SMAD4: variants seen among roughly 807,000 people sequenced by gnomAD.
SMAD4 encodes MAD homolog 4.
SMAD4 carries 7 observed loss-of-function variants against 63.2 expected under a neutral mutation model. That is an observed-to-expected ratio of 0.11 (90% CI 0.06 to 0.21). The LOEUF (loss-of-function observed/expected upper bound fraction) is 0.21. Ranked by LOEUF, SMAD4 falls within the 10% of genes least tolerant of loss-of-function variation. SMAD4 has a pLI of 1.00. For synonymous variants in SMAD4, 215 were observed against 235.4 expected (o/e 0.91, Z 0.79); for missense variants, 312 against 693.8 (o/e 0.45, Z 6.18).
chr18:51,037,140 T>C (rs1244256549), intron 1 of SMAD4, among the ~76,000 whole-genome samples: 1 of 152,172 alleles, frequency 6.6e-6, no homozygotes, highest in Non-Finnish European at 1.5e-5. Flanking sequence ...GCTGAGATTG[T>C]GCCACTGCAC....
At chr18:51,051,778 A>G (rs1472120479) in intron 4 of SMAD4, among the ~76,000 whole-genome samples, 2 of 152,026 alleles carry the variant, frequency 1.3e-5, no homozygotes, top group African/African-American at 4.8e-5. Context: ...TCACCTATAG[A>G]GAATATATTC....
At chr18:51,065,365 A>G (rs1483541249) in intron 8 of SMAD4, 58 bp from the exon 9 acceptor site, 1 of 1,430,478 alleles carries the variant, frequency 7.0e-7, no homozygotes, top group African/African-American at 1.4e-5. Context: ...GTGGAGTGCA[A>G]GTGAAAGCCT....
rs1282106789 is a variant in SMAD4 at position 51,078,349 on chromosome 18, C to T, written c.1541C>T (p.Pro514Leu). The change falls in exon 12 of 12, where the codon CCA becomes CTA. Residue 514 changes from proline (P) to leucine (L), a missense_variant. Transcript: ENST00000342988. ...GTGAAAGGCTGGGGACCGGATTACC[C>T]AAGACAGAGCATCAAAGAAACACCT... ...SFVKGWGPDYPRQSIKETPCW... is the reference protein window; with the variant it reads ...SFVKGWGPDYLRQSIKETPCW... The T allele has an allele frequency of 1.2e-6, 2 of 1,614,046 alleles. No homozygotes were observed. The highest frequency in any genetic ancestry group is 1.3e-5 in the African/African-American group (1 of 74,928).
At chr18:51,064,526 C>G (rs1910099295) in intron 8 of SMAD4, among the ~76,000 whole-genome samples, 1 of 152,210 alleles carries the variant, frequency 6.6e-6, no homozygotes, top group Non-Finnish European at 1.5e-5. Flanking sequence ...CTGTAGATAT[C>G]TGTTAAATGA....
chr18:51,050,282 C>T (rs972586433), intron 4 of SMAD4, among the ~76,000 whole-genome samples: 11 of 151,512 alleles, frequency 7.3e-5, no homozygotes, highest in Non-Finnish European at 1.0e-4. Context: ...TCGCTTGAAC[C>T]CGGGAGGTGG....
intron 1 of SMAD4, among the ~76,000 whole-genome samples, chr18:51,035,395 G>A (rs890150985): frequency 2.6e-5 from 4 of 151,978 alleles, no homozygotes; most frequent in African/African-American, 9.7e-5. Flanking sequence ...ACTCCCTGTG[G>A]GCTTGGTCTG....
At chr18:51,051,881 A>G (rs190609086) in intron 4 of SMAD4, among the ~76,000 whole-genome samples, 1 of 151,996 alleles carries the variant, frequency 6.6e-6, no homozygotes, top group Non-Finnish European at 1.5e-5. Flanking sequence ...ATTTCGGCTC[A>G]CTGCAACCTC....
chr18:51,079,959 G>C lies in SMAD4; in HGVS notation c.*1492G>C, dbSNP rs1281191574. The stretch of plus-strand genomic sequence containing the variant: ...CCATGGACATTGTGTATCATGTGTA[G>C]AGTTGGTTTTTTTTTTTTTTAATTT... On this transcript the variant is annotated 3_prime_UTR_variant, in exon 12 of 12. Transcript: ENST00000342988. 3 of 230,376 alleles carry C rather than the reference G, an allele frequency of 1.3e-5. No homozygotes were observed. Among genetic ancestry groups the C allele is most frequent in the Non-Finnish European group, 2.6e-5 (3 of 116,962 alleles). The allele number at this position is 230,376 out of a possible 1,614,324, so 14.3% of individuals were successfully genotyped here.
In SMAD4 at chr18:51,079,521, T is replaced by C. The variant is rs1910556042; in HGVS notation, c.*1054T>C. ...TTTTGTACTTGATTTGATGTGACTT[T>C]TTTTGGTATAATGTTTAAATCATGT... On this transcript the variant is annotated 3_prime_UTR_variant, in exon 12 of 12. Transcript: ENST00000342988. The C allele has an allele frequency of 4.3e-6, 1 of 233,350 alleles. No homozygotes were observed. The highest frequency in any genetic ancestry group is 6.1e-5 in the East Asian group (1 of 16,464). The allele number at this position is 233,350 out of a possible 1,614,324, so 14.5% of individuals were successfully genotyped here.
chr18:51,066,706 C>T (rs1910167765), intron 9 of SMAD4: 1 of 283,814 alleles, frequency 3.5e-6, no homozygotes, highest in Non-Finnish European at 6.9e-6. Flanking sequence ...TAGTGGCTAT[C>T]AATTTGGACA....
At chr18:51,052,001 T>TG (rs1909726436) in intron 4 of SMAD4, among the ~76,000 whole-genome samples, 1 of 151,850 alleles carries the variant, frequency 6.6e-6, no homozygotes, top group South Asian at 2.1e-4. Context: ...TTAGTAGAGA[T>TG]GGGGTTTCAC....
chr18:51,038,733 T>C (rs955164766), intron 1 of SMAD4, among the ~76,000 whole-genome samples: 1 of 152,248 alleles, frequency 6.6e-6, no homozygotes, highest in Non-Finnish European at 1.5e-5. Context: ...TAGAAAATTC[T>C]GTTTTTCATA....
At chr18:51,044,753 C>T (rs1239358715) in intron 1 of SMAD4, among the ~76,000 whole-genome samples, 7 of 152,132 alleles carry the variant, frequency 4.6e-5, no homozygotes, top group African/African-American at 1.2e-4. Flanking sequence ...GTATCAGACA[C>T]GTTATGCAGA....
At chr18:51,067,707 C>G (rs547030481) in intron 10 of SMAD4, among the ~76,000 whole-genome samples, 1 of 152,294 alleles carries the variant, frequency 6.6e-6, no homozygotes, top group South Asian at 2.1e-4. Context: ...ACCACTGTGC[C>G]AGGCCTGTTA....
intron 9 of SMAD4, chr18:51,066,771 G>A: frequency 2.2e-6 from 1 of 445,322 alleles, no homozygotes; most frequent in Non-Finnish European, 4.1e-6. Flanking sequence ...TTGTTGAGTT[G>A]TAAGGGTTTA....
intron 1 of SMAD4, among the ~76,000 whole-genome samples, chr18:51,040,844 A>G (rs1599176609): frequency 6.6e-6 from 1 of 152,248 alleles, no homozygotes; most frequent in Non-Finnish European, 1.5e-5. Context: ...TAATACCTGT[A>G]TATGTTAGTG....
chr18:51,067,635 A>G (rs1362474570), intron 10 of SMAD4, among the ~76,000 whole-genome samples: 1 of 151,964 alleles, frequency 6.6e-6, no homozygotes, highest in East Asian at 1.9e-4. Flanking sequence ...CTGGTCTCGA[A>G]CTCCTGACCT....
chr18:51,060,062 G>A (rs190506669), intron 8 of SMAD4, 146 bp downstream of exon 8: 14 of 704,658 alleles, frequency 2.0e-5, no homozygotes, highest in East Asian at 1.3e-4. Context: ...AACAGTTTGA[G>A]TAGTCAATAT....
intron 2 of SMAD4, 91 bp from the exon 3 acceptor site, chr18:51,048,595 T>C: frequency 8.8e-7 from 1 of 1,142,222 alleles, no homozygotes; most frequent in East Asian, 2.5e-5. Context: ...ATTGTAATAC[T>C]GAGTTGGTAG....
Sources: gnomAD v4.1 joint callset for allele counts (sites outside exome capture counted in the v4.1 genomes callset) on GRCh38, gnomAD v4.1.1 for gene constraint, MANE v1.5 for transcripts, NCBI Gene and HGNC (gene_info 2026-07-23, HGNC 2026-07-21) for gene names.